SDK1: variants seen among roughly 807,000 people sequenced by gnomAD.
SDK1 encodes sidekick cell adhesion molecule 1, also known as protein sidekick-1.
SDK1 carries 157 observed loss-of-function variants against 245.5 expected under a neutral mutation model. That is an observed-to-expected ratio of 0.64 (90% CI 0.56 to 0.73). The LOEUF (loss-of-function observed/expected upper bound fraction) is 0.73, where lower values mean the gene tolerates loss of function less well. Ranked by LOEUF, SDK1 falls within the 30% of genes least tolerant of loss-of-function variation. The probability of loss-of-function intolerance (pLI) is 0.00; values close to 1 mark genes in which losing one functional copy is unlikely to be tolerated. For missense variants in SDK1, 3,583 were observed against 3,002.3 expected, an observed-to-expected ratio of 1.19 and a Z score of -4.52; for synonymous variants, 1,647 against 1,278.5, an observed-to-expected ratio of 1.29 and a Z score of -6.15.
intron 4 of SDK1, among the ~76,000 whole-genome samples, chr7:3,703,051 ACT>A (rs1377274213): frequency 7.5e-6 from 1 of 132,824 alleles, no homozygotes; most frequent in Non-Finnish European, 1.6e-5. Context: ...TAAATGCGAG[ACT>A]CTGTCTCAAA....
intron 5 of SDK1, among the ~76,000 whole-genome samples, chr7:3,949,850 G>T (rs1780728519): frequency 6.6e-6 from 1 of 152,200 alleles, no homozygotes; most frequent in Non-Finnish European, 1.5e-5. Context: ...AGGAAAAAAG[G>T]ATTGAAACTG....
chr7:3,637,674 A>G (rs1233653717), intron 2 of SDK1, among the ~76,000 whole-genome samples: 1 of 152,254 alleles, frequency 6.6e-6, no homozygotes, highest in Non-Finnish European at 1.5e-5. Flanking sequence ...TTCCTTTGAA[A>G]TTGTACTAAA....
chr7:4,162,180 G>A (rs894115293), intron 32 of SDK1, among the ~76,000 whole-genome samples: 5 of 152,080 alleles, frequency 3.3e-5, no homozygotes, highest in East Asian at 1.9e-4. Flanking sequence ...GCATTTCACC[G>A]AGGACGTTGG....
chr7:3,616,558 C>T lies in SDK1; in HGVS notation c.299-2522C>T, dbSNP rs894935204. ...TGTTCTCAGCTCCTGCATTTCATCT[C>T]ATCGACTAGGTTAAATCTCCTACTG... is the stretch of plus-strand genomic sequence containing the variant. On this transcript the variant is annotated intron_variant, in intron 1 of 44. Transcript: ENST00000404826. Among the ~76,000 whole-genome samples the T allele has an allele frequency of 3.9e-5, 6 of 152,204 alleles. No individual in the cohort carries two copies. The South Asian group carries it at 8.3e-4, about 21-fold the overall frequency.
intron 4 of SDK1, among the ~76,000 whole-genome samples, chr7:3,805,124 A>T (rs1219232298): frequency 6.6e-6 from 1 of 152,254 alleles, no homozygotes; most frequent in Non-Finnish European, 1.5e-5. Flanking sequence ...GTTGGACACC[A>T]TAAGTACATA....
intron 1 of SDK1, among the ~76,000 whole-genome samples, chr7:3,519,064 A>G (rs1430922025): frequency 6.6e-6 from 1 of 152,178 alleles, no homozygotes; most frequent in Non-Finnish European, 1.5e-5. Context: ...TAAACACCAC[A>G]TATGTTCTCA....
intron 1 of SDK1, among the ~76,000 whole-genome samples, chr7:3,414,595 A>G (rs1039314146): frequency 7.9e-5 from 12 of 152,188 alleles, no homozygotes; most frequent in Non-Finnish European, 1.8e-4. Context: ...ACTTTGAGAG[A>G]TAATTTGTCT....
intron 4 of SDK1, among the ~76,000 whole-genome samples, chr7:3,686,334 C>A (rs1399986072): frequency 1.3e-5 from 2 of 152,208 alleles, no homozygotes; most frequent in Non-Finnish European, 2.9e-5. Flanking sequence ...CCTTGGCCTG[C>A]CAAACTGCTG....
chr7:3,827,908 A>T (rs1399288192), intron 5 of SDK1, among the ~76,000 whole-genome samples: 2 of 152,148 alleles, frequency 1.3e-5, no homozygotes, highest in Admixed American at 1.3e-4. Context: ...TAAGAAACAA[A>T]CCTTGGTATG....
rs371267049 is a variant in SDK1 at position 3,390,360 on chromosome 7, A to C, written c.298+88476A>C. Among the ~76,000 whole-genome samples, 9 of 152,336 alleles carry C rather than the reference A, an allele frequency of 5.9e-5. 1 individual carries two copies. The East Asian group carries it at 1.3e-3, about 23-fold the overall frequency. ...CTCATCAGCCTTTTAAATGTTTACC[A>C]CTGACAGTGACTTCACTGATCTAAT... On this transcript the variant is annotated intron_variant, in intron 1 of 44. Transcript: ENST00000404826.
At chr7:3,491,324 A>G (rs969612112) in intron 1 of SDK1, among the ~76,000 whole-genome samples, 1 of 152,142 alleles carries the variant, frequency 6.6e-6, no homozygotes, top group African/African-American at 2.4e-5. Context: ...TTCTTCTCCA[A>G]CCATTTACAT....
intron 1 of SDK1, among the ~76,000 whole-genome samples, chr7:3,393,817 C>G (rs1371633812): frequency 6.6e-6 from 1 of 152,090 alleles, no homozygotes; most frequent in Non-Finnish European, 1.5e-5. Context: ...TCATGTATAT[C>G]TGTTTCTTAA....
chr7:4,137,039 C>G (rs770808560), intron 28 of SDK1, among the ~76,000 whole-genome samples: 1 of 152,196 alleles, frequency 6.6e-6, no homozygotes, highest in African/African-American at 2.4e-5. Flanking sequence ...GATGGTCGTG[C>G]TTTGGAGTCA....
chr7:4,079,296 C>A (rs900300414), intron 21 of SDK1, among the ~76,000 whole-genome samples, 167 bp from the exon 22 acceptor site: 1 of 152,208 alleles, frequency 6.6e-6, no homozygotes, highest in Non-Finnish European at 1.5e-5. Context: ...CTGATCATGC[C>A]CCTGGGGAAG....
chr7:4,149,315 C>G lies in SDK1; in HGVS notation c.4477C>G (p.Arg1493Gly). The G allele has an allele frequency of 6.3e-7, 1 of 1,588,488 alleles. No individual in the cohort carries two copies. Among genetic ancestry groups the G allele is most frequent in the Non-Finnish European group, 8.6e-7 (1 of 1,167,522 alleles). ...LLVPQAEVTARSLRLQWVPGS... is the reference protein window; with the variant it reads ...LLVPQAEVTAGSLRLQWVPGS... ...GGTGCCCCAGGCAGAAGTGACCGCA[C>G]GCAGCCTCCGGCTCCAGTGGGTCCC... is the stretch of plus-strand genomic sequence containing the variant. The change falls in exon 30 of 45, where the codon CGC becomes GGC. Residue 1493 changes from arginine to glycine, a missense_variant. Coordinates refer to ENST00000404826, the MANE Select transcript of SDK1 (RefSeq NM_152744.4).
chr7:3,344,105 A>T (rs1179839061), intron 1 of SDK1, among the ~76,000 whole-genome samples: 1 of 152,108 alleles, frequency 6.6e-6, no homozygotes. Context: ...AATATTTTGT[A>T]CCAAAGCCTA....
intron 44 of SDK1, among the ~76,000 whole-genome samples, chr7:4,248,294 A>G (rs751109211): frequency 1.3e-5 from 2 of 152,088 alleles, no homozygotes; most frequent in African/African-American, 4.8e-5. Flanking sequence ...ACACGCACAC[A>G]TATCTATACA....
chr7:3,805,232 C>T (rs997170709), intron 4 of SDK1, among the ~76,000 whole-genome samples: 4 of 152,144 alleles, frequency 2.6e-5, no homozygotes, highest in African/African-American at 9.7e-5. Flanking sequence ...TTCTGAAACC[C>T]TTGCTGAACT....
At chr7:3,450,331 G>A (rs1011695022) in intron 1 of SDK1, among the ~76,000 whole-genome samples, 2 of 152,182 alleles carry the variant, frequency 1.3e-5, no homozygotes, top group South Asian at 4.1e-4. Flanking sequence ...TGTTTAGAAG[G>A]ACTTCTCTGG....
Sources: gnomAD v4.1 joint callset for allele counts (sites outside exome capture counted in the v4.1 genomes callset) on GRCh38, gnomAD v4.1.1 for gene constraint, MANE v1.5 for transcripts, NCBI Gene and HGNC (gene_info 2026-07-23, HGNC 2026-07-21) for gene names.